The following EYA3 variants were observed in gnomAD, a reference collection of about 807,000 sequenced individuals.
The protein encoded by EYA3 is protein phosphatase EYA3.
Under a neutral mutation model 80.0 loss-of-function variants are expected in EYA3, and 39 were observed. The ratio of observed to expected loss-of-function variants is 0.49; its 90% CI spans 0.38 to 0.64. EYA3 has a LOEUF of 0.64. Among genes scored for constraint, EYA3 ranks in the 30% least tolerant of loss-of-function variants. EYA3 has a pLI of 0.00. For synonymous variants in EYA3, 206 were observed against 232.8 expected, an observed-to-expected ratio of 0.88 and a Z score of 1.05; for missense variants, 523 against 676.1, an observed-to-expected ratio of 0.77 and a Z score of 2.51.
At chr1:28,025,951 G>T (rs1207851264) in intron 7 of EYA3, among the ~76,000 whole-genome samples, 2 of 151,968 alleles carry the variant, frequency 1.3e-5, no homozygotes, top group Non-Finnish European at 1.5e-5. Flanking sequence ...TAGAGACGGG[G>T]TTTCTCCATG....
intron 6 of EYA3, 62 bp from the exon 7 acceptor site, chr1:28,027,988 CT>C (rs1241082654): frequency 3.8e-6 from 6 of 1,565,970 alleles, no homozygotes; most frequent in Non-Finnish European, 4.4e-6. Context: ...CATGGTTATG[CT>C]TTCAAATATC....
In EYA3 at chr1:28,033,887, C is replaced by T. The variant is rs1643297632; in HGVS notation, c.361+1657G>A. On this transcript the variant is annotated intron_variant, in intron 6 of 17. Coordinates refer to ENST00000373871, the MANE Select transcript of EYA3 (RefSeq NM_001990.4). Reference sequence around the variant, plus strand: ...GTTGGCTAGGCTGGTCTCGAACTCCCGGCCTCAAGAGATCTGCCCAAACGG... The same window carrying T: ...GTTGGCTAGGCTGGTCTCGAACTCCTGGCCTCAAGAGATCTGCCCAAACGG... Among the ~76,000 whole-genome samples, 6 of 150,998 alleles carry T rather than the reference C, an allele frequency of 4.0e-5. No homozygotes were observed. The South Asian group carries it at 1.0e-3, about 26-fold the overall frequency.
intron 1 of EYA3, among the ~76,000 whole-genome samples, chr1:28,069,563 AAG>A (rs1182341011): frequency 6.7e-6 from 1 of 150,312 alleles, no homozygotes; most frequent in African/African-American, 2.4e-5. Context: ...AAAAAAAAAA[AAG>A]AGAGAGAAGA....
intron 4 of EYA3, among the ~76,000 whole-genome samples, chr1:28,041,957 G>A (rs1299598299): frequency 1.3e-5 from 2 of 152,204 alleles, no homozygotes; most frequent in African/African-American, 2.4e-5. Flanking sequence ...AGAAATTAGA[G>A]GAGACACTTT....
intron 1 of EYA3, among the ~76,000 whole-genome samples, chr1:28,060,928 C>A (rs887506615): frequency 6.6e-6 from 1 of 152,146 alleles, no homozygotes; most frequent in African/African-American, 2.4e-5. Context: ...GCAAGAGAAT[C>A]GCGTGAACCT....
At chr1:27,996,384 A>C (rs1359845882) in intron 13 of EYA3, among the ~76,000 whole-genome samples, 2 of 152,218 alleles carry the variant, frequency 1.3e-5, no homozygotes, top group Non-Finnish European at 2.9e-5. Flanking sequence ...CATGATAAGT[A>C]ATTACTGGTT....
At chr1:28,023,273 G>A (rs1642570427) in intron 7 of EYA3, among the ~76,000 whole-genome samples, 1 of 152,104 alleles carries the variant, frequency 6.6e-6, no homozygotes, top group Admixed American at 6.5e-5. Flanking sequence ...AAACTGGGGA[G>A]AAGAGACAAA....
At chr1:27,983,575 TG>T (rs2148711581) in intron 16 of EYA3, among the ~76,000 whole-genome samples, 1 of 152,368 alleles carries the variant, frequency 6.6e-6, no homozygotes, top group East Asian at 1.9e-4. Context: ...TTCGGCAAAC[TG>T]GTTGTTTCAA....
intron 15 of EYA3, among the ~76,000 whole-genome samples, chr1:27,989,231 C>A (rs1639869269): frequency 6.6e-6 from 1 of 152,208 alleles, no homozygotes; most frequent in African/African-American, 2.4e-5. Context: ...TTGGTGCAGA[C>A]ACAGACTGGT....
intron 16 of EYA3, among the ~76,000 whole-genome samples, chr1:27,988,252 A>T (rs780493390): frequency 6.6e-6 from 1 of 152,214 alleles, no homozygotes; most frequent in Non-Finnish European, 1.5e-5. Context: ...TGTGAAAAAG[A>T]GAAACTTGAA....
chr1:27,996,320 A>G (rs762423425), intron 13 of EYA3, among the ~76,000 whole-genome samples: 9 of 152,216 alleles, frequency 5.9e-5, no homozygotes, highest in Non-Finnish European at 1.0e-4. Flanking sequence ...GTTAAAATAG[A>G]TCCCAATATG....
At chr1:28,039,194 C>T (rs1643636338) in intron 4 of EYA3, among the ~76,000 whole-genome samples, 1 of 152,180 alleles carries the variant, frequency 6.6e-6, no homozygotes, top group African/African-American at 2.4e-5. Context: ...GATGAAGCAA[C>T]CTTCTAAGCT....
chr1:28,047,816 T>A (rs1644078849), intron 3 of EYA3, among the ~76,000 whole-genome samples: 1 of 152,042 alleles, frequency 6.6e-6, no homozygotes, highest in African/African-American at 2.4e-5. Context: ...TAATTTTGTA[T>A]TTTTAGTAGA....
Position 28,069,862 on chromosome 1 carries a change from T to C in EYA3, c.-68-11768A>G, listed in dbSNP as rs141352989. On this transcript the variant is annotated intron_variant, in intron 1 of 17. Transcript: ENST00000373871. ...GCCCTAAACGCCATCACAAATATCC[T>C]TATAAGAGAAAAGCAGACATTTAAC... Among the ~76,000 whole-genome samples the C allele has an allele frequency of 2.0e-3, 300 of 152,282 alleles. 2 individuals carry two copies. Among genetic ancestry groups the C allele is most frequent in the African/African-American group, 7.0e-3 (291 of 41,556 alleles).
At chr1:27,989,976 CAT>C (rs1473216660) in intron 14 of EYA3, among the ~76,000 whole-genome samples, 165 bp from the exon 15 acceptor site, 2 of 151,972 alleles carry the variant, frequency 1.3e-5, no homozygotes, top group Non-Finnish European at 2.9e-5. Context: ...CCCATGAACA[CAT>C]GTGCTTTATT....
intron 1 of EYA3, among the ~76,000 whole-genome samples, chr1:28,075,863 A>G (rs1339532959): frequency 2.0e-5 from 3 of 152,210 alleles, no homozygotes; most frequent in African/African-American, 4.8e-5. Flanking sequence ...GAAATCCATT[A>G]AAGTCTCATC....
Position 28,014,417 on chromosome 1 carries a change from CAAAAAAAAAAAAAAAAAA to C in EYA3, c.586-1141_586-1124del, listed in dbSNP as rs1173842687. ...CTCTAGCCTAGGTGACACACTGTCT[CAAAAAAAAAAAAAAAAAA>C]AAAAAAAAAAGGCCAGGCACGGGAG... On this transcript the variant is annotated intron_variant, in intron 8 of 17. Transcript: ENST00000373871. 8.5e-3 allele frequency among the ~76,000 whole-genome samples: 423 copies of C among 49,532 alleles called. 2 individuals carry two copies. The highest frequency in any genetic ancestry group is 0.03 in the African/African-American group (408 of 13,406). The allele number at this position is 49,532 out of a possible 152,430, so 32.5% of individuals were successfully genotyped here.
At chr1:28,051,323 A>C (rs1644240558) in intron 2 of EYA3, among the ~76,000 whole-genome samples, 1 of 152,142 alleles carries the variant, frequency 6.6e-6, no homozygotes. Flanking sequence ...TTATATTTCT[A>C]TATACTTGCA....
In EYA3 at chr1:27,989,821, TA is replaced by T; in HGVS notation, c.1304-11del. ...TGGGGACTGAGGAGACCTTTAGGAA[TA>T]AAAGCAGACACATTTATCATTTGAC... On this transcript the variant is annotated splice_polypyrimidine_tract_variant and intron_variant, in intron 14 of 17. Coordinates refer to ENST00000373871, the MANE Select transcript of EYA3 (RefSeq NM_001990.4). The T allele has an allele frequency of 6.5e-7, 1 of 1,535,030 alleles. No homozygotes were observed. Among genetic ancestry groups the T allele is most frequent in the Non-Finnish European group, 8.9e-7 (1 of 1,121,960 alleles).
Sources: gnomAD v4.1 joint callset for allele counts (sites outside exome capture counted in the v4.1 genomes callset) on GRCh38, gnomAD v4.1.1 for gene constraint, MANE v1.5 for transcripts, NCBI Gene and HGNC (gene_info 2026-07-23, HGNC 2026-07-21) for gene names.